Variants in RDX observed in about 807,000 individuals in gnomAD.
RDX encodes radixin.
In RDX, 32 loss-of-function variants were observed where a neutral mutation model predicts 83.7. The observed-to-expected ratio is 0.38, with a 90% CI of 0.29 to 0.51. The LOEUF (loss-of-function observed/expected upper bound fraction) is 0.51. RDX is among the 20% of genes least tolerant of loss of function. The probability of loss-of-function intolerance (pLI) is 0.87; values close to 1 mark genes in which losing one functional copy is unlikely to be tolerated. For missense variants in RDX, 600 were observed against 689.9 expected, an observed-to-expected ratio of 0.87 and a Z score of 1.46; for synonymous variants, 229 against 222.7, an observed-to-expected ratio of 1.03 and a Z score of -0.25.
chr11:110,191,227 A>T (rs1328947185), intron 15 of RDX, among the ~76,000 whole-genome samples: 1 of 152,258 alleles, frequency 6.6e-6, no homozygotes. Context: ...TTAATTCACC[A>T]TGATCAAGTC....
intron 5 of RDX, among the ~76,000 whole-genome samples, chr11:110,259,505 G>C (rs1859712441): frequency 6.6e-6 from 1 of 152,140 alleles, no homozygotes; most frequent in South Asian, 2.1e-4. Context: ...ATCTCCCCCT[G>C]GATAAGTTAC....
At chr11:110,185,973 ACTGTTGCATCCACG>A (rs763663115) in intron 15 of RDX, among the ~76,000 whole-genome samples, 18 of 152,202 alleles carry the variant, frequency 1.2e-4, no homozygotes, top group Non-Finnish European at 2.4e-4. Flanking sequence ...CTGACTGATG[ACTGTTGCATCCACG>A]CTGGAGGAGG....
intron 5 of RDX, among the ~76,000 whole-genome samples, 177 bp from the exon 6 acceptor site, chr11:110,258,366 T>G (rs367732107): frequency 2.0e-5 from 3 of 152,196 alleles, no homozygotes; most frequent in African/African-American, 7.2e-5. Context: ...CAGGTAAAAC[T>G]GATGTAATCT....
chr11:110,284,221 A>C (rs1008541382), intron 1 of RDX, among the ~76,000 whole-genome samples: 2 of 152,244 alleles, frequency 1.3e-5, no homozygotes, highest in African/African-American at 4.8e-5. Flanking sequence ...GCTTTTTTGA[A>C]TGTGAAATTC....
intron 14 of RDX, among the ~76,000 whole-genome samples, chr11:110,204,902 G>T (rs957941823): frequency 6.6e-6 from 1 of 152,108 alleles, no homozygotes; most frequent in Non-Finnish European, 1.5e-5. Flanking sequence ...CAGGTTACAC[G>T]AATTTATGCA....
chr11:110,247,229 AT>A (rs1859148895), intron 10 of RDX, among the ~76,000 whole-genome samples: 1 of 152,192 alleles, frequency 6.6e-6, no homozygotes, highest in Admixed American at 6.5e-5. Context: ...TGTGTTGTGT[AT>A]TTTCTAGTAG....
At position 110,240,811 on chromosome 11, in the gene RDX, T is replaced by C. The variant is rs188572827; in HGVS notation, c.1091-3159A>G. On this transcript the variant is annotated intron_variant, in intron 10 of 13. Coordinates refer to ENST00000645495, the MANE Select transcript of RDX (RefSeq NM_002906.4). ...GTTCATGCCTGTACTCCCAGCACTT[T>C]TGGGAGGCCGAGGTGGGCAGATCAC... 9.2e-3 allele frequency among the ~76,000 whole-genome samples: 1,380 copies of C among 150,558 alleles called. 29 individuals carry two copies. Among genetic ancestry groups the C allele is most frequent in the African/African-American group, 0.032 (1,310 of 40,862 alleles).
intron 15 of RDX, among the ~76,000 whole-genome samples, chr11:110,189,243 TAAAAAA>T (rs35450797): frequency 0.017 from 605 of 35,626 alleles, 9 homozygotes; most frequent in African/African-American, 0.044. Flanking sequence ...GAACAACAGG[TAAAAAA>T]AAAAAAAAAA....
intron 10 of RDX, among the ~76,000 whole-genome samples, chr11:110,246,464 C>T (rs543930328): frequency 6.6e-6 from 1 of 152,262 alleles, no homozygotes; most frequent in South Asian, 2.1e-4. Context: ...TTTTTAAGCA[C>T]CAACATGGCA....
intron 10 of RDX, among the ~76,000 whole-genome samples, chr11:110,245,550 T>C (rs553331538): frequency 5.9e-5 from 9 of 152,216 alleles, no homozygotes; most frequent in African/African-American, 2.2e-4. Context: ...GACTTGCTTA[T>C]AGTCATATTC....
intron 15 of RDX, among the ~76,000 whole-genome samples, chr11:110,189,543 C>G (rs1863064685): frequency 6.6e-6 from 1 of 152,104 alleles, no homozygotes. Context: ...ACCCATCAGT[C>G]ACAGAATATA....
chr11:110,178,961 A>C (rs1459750559), intron 15 of RDX, among the ~76,000 whole-genome samples: 1 of 152,206 alleles, frequency 6.6e-6, no homozygotes, highest in Non-Finnish European at 1.5e-5. Flanking sequence ...CGTTACACCA[A>C]GCAACTAAAG....
chr11:110,281,587 G>A (rs12226034), intron 1 of RDX, among the ~76,000 whole-genome samples: 73,059 of 151,862 alleles, frequency 0.48, 18,279 homozygotes, highest in African/African-American at 0.63. Flanking sequence ...TTGGCCTCCC[G>A]AAGTGCTGGG....
At chr11:110,235,498 T>C (rs914481244) in intron 12 of RDX, among the ~76,000 whole-genome samples, 1 of 152,220 alleles carries the variant, frequency 6.6e-6, no homozygotes. Flanking sequence ...TCCCAATCCT[T>C]TCTTCACACT....
At chr11:110,247,864 T>A in intron 9 of RDX, 31 bp from the exon 10 acceptor site, 1 of 1,538,818 alleles carries the variant, frequency 6.5e-7, no homozygotes, top group Non-Finnish European at 8.7e-7. Flanking sequence ...CTGTTACAAA[T>A]TAATACACAA....
At chr11:110,284,211 G>A (rs1409766810) in intron 1 of RDX, among the ~76,000 whole-genome samples, 1 of 152,184 alleles carries the variant, frequency 6.6e-6, no homozygotes, top group African/African-American at 2.4e-5. Context: ...AAGCTACACA[G>A]CTTTTTTGAA....
At chr11:110,293,886 A>G (rs1861341585) in intron 1 of RDX, among the ~76,000 whole-genome samples, 1 of 152,268 alleles carries the variant, frequency 6.6e-6, no homozygotes, top group Admixed American at 6.5e-5. Flanking sequence ...AATATTGGTT[A>G]AAATTTGACC....
At chr11:110,212,860 C>G (rs1863890783) in intron 14 of RDX, among the ~76,000 whole-genome samples, 3 of 142,336 alleles carry the variant, frequency 2.1e-5, no homozygotes, top group Admixed American at 6.9e-5. Flanking sequence ...CTATCTATGA[C>G]AAACCCACAG....
intron 15 of RDX, among the ~76,000 whole-genome samples, chr11:110,180,333 A>G (rs1214006177): frequency 6.6e-6 from 1 of 152,030 alleles, no homozygotes; most frequent in Non-Finnish European, 1.5e-5. Context: ...CCCAACCCCC[A>G]TATGGCCAAG....
Sources: allele counts gnomAD v4.1 joint callset (sites outside exome capture counted in the v4.1 genomes callset), GRCh38; gene constraint gnomAD v4.1.1; transcripts MANE v1.5; gene names NCBI Gene and HGNC (gene_info 2026-07-23, HGNC 2026-07-21).